ROR1: variants seen among roughly 807,000 people sequenced by gnomAD.
ROR1 encodes inactive tyrosine-protein kinase transmembrane receptor ROR1.
A neutral mutation model predicts 78.8 loss-of-function variants in ROR1; 19 were observed. The ratio of observed to expected loss-of-function variants is 0.24; its 90% confidence interval spans 0.17 to 0.35. The LOEUF is 0.35. Among genes scored for constraint, ROR1 ranks in the 10% least tolerant of loss-of-function variants. The probability of loss-of-function intolerance (pLI) is 1.00; values close to 1 mark genes in which losing one functional copy is unlikely to be tolerated. For missense variants in ROR1, 917 were observed against 1,177.8 expected (o/e 0.78, Z 3.24); for synonymous variants, 386 against 433.6 (o/e 0.89, Z 1.36).
chr1:64,114,503 G>T (rs894147742), intron 4 of ROR1, among the ~76,000 whole-genome samples: 5 of 152,130 alleles, frequency 3.3e-5, no homozygotes, highest in African/African-American at 1.2e-4. Flanking sequence ...AGTACTGAAA[G>T]AACCCCGGCT....
chr1:64,002,322 C>T (rs543818773), intron 1 of ROR1, among the ~76,000 whole-genome samples: 23 of 151,916 alleles, frequency 1.5e-4, no homozygotes, highest in African/African-American at 5.3e-4. Context: ...TCAGTAGAGA[C>T]GGGGTTTCAC....
intron 4 of ROR1, among the ~76,000 whole-genome samples, chr1:64,081,187 T>C (rs1647098594): frequency 6.6e-6 from 1 of 152,198 alleles, no homozygotes; most frequent in African/African-American, 2.4e-5. Context: ...CCTTATGTTT[T>C]TCAGGCTGAG....
At chr1:64,125,595 A>G (rs906691977) in intron 4 of ROR1, among the ~76,000 whole-genome samples, 2 of 152,094 alleles carry the variant, frequency 1.3e-5, no homozygotes, top group African/African-American at 4.8e-5. Context: ...AAGCCTTTTC[A>G]TTTCTGGTTA....
intron 7 of ROR1, chr1:64,142,868 G>C: frequency 7.2e-7 from 1 of 1,387,836 alleles, no homozygotes; most frequent in Non-Finnish European, 9.3e-7. Flanking sequence ...TATACCTGCA[G>C]CCATTGCACT....
chr1:63,792,629 TG>T (rs1177897896), intron 1 of ROR1, among the ~76,000 whole-genome samples: 1 of 152,246 alleles, frequency 6.6e-6, no homozygotes, highest in Non-Finnish European at 1.5e-5. Context: ...AGGATTATTA[TG>T]TATATTAAGT....
At chr1:63,999,108 A>T (rs1646362974) in intron 1 of ROR1, among the ~76,000 whole-genome samples, 1 of 152,356 alleles carries the variant, frequency 6.6e-6, no homozygotes, top group East Asian at 1.9e-4. Context: ...CAGCAGCATG[A>T]AAACAGACTA....
chr1:63,959,438 G>A (rs1646010436), intron 1 of ROR1, among the ~76,000 whole-genome samples: 2 of 152,090 alleles, frequency 1.3e-5, no homozygotes, highest in Admixed American at 1.3e-4. Context: ...ACCGAGTGCT[G>A]ACATATGGGT....
chr1:64,006,713 T>C (rs751307351), intron 1 of ROR1, among the ~76,000 whole-genome samples: 4 of 152,174 alleles, frequency 2.6e-5, no homozygotes, highest in Non-Finnish European at 4.4e-5. Flanking sequence ...GCTCAGGACG[T>C]TGGAGGAAAC....
intron 4 of ROR1, among the ~76,000 whole-genome samples, chr1:64,130,228 A>G (rs1005961717): frequency 1.3e-5 from 2 of 152,112 alleles, no homozygotes; most frequent in Non-Finnish European, 2.9e-5. Context: ...TCTCAACCCT[A>G]TAGATTTAAG....
intron 2 of ROR1, among the ~76,000 whole-genome samples, chr1:64,023,349 G>A (rs1646580797): frequency 6.6e-6 from 1 of 152,046 alleles, no homozygotes. Flanking sequence ...GGGAAACCTT[G>A]AAAGACCACC....
At chr1:63,988,480 A>G (rs1292149336) in intron 1 of ROR1, among the ~76,000 whole-genome samples, 1 of 152,220 alleles carries the variant, frequency 6.6e-6, no homozygotes, top group Non-Finnish European at 1.5e-5. Context: ...GTGGTTAAAC[A>G]TATGTAACAT....
intron 1 of ROR1, among the ~76,000 whole-genome samples, chr1:63,948,343 T>C (rs1008701866): frequency 6.6e-6 from 1 of 152,122 alleles, no homozygotes; most frequent in African/African-American, 2.4e-5. Context: ...CAATTTTTTT[T>C]TTTTTTTTAC....
At chr1:64,019,475 C>T (rs1646547193) in intron 2 of ROR1, among the ~76,000 whole-genome samples, 1 of 152,040 alleles carries the variant, frequency 6.6e-6, no homozygotes, top group African/African-American at 2.4e-5. Context: ...TAAGCACAAG[C>T]CCCAGAACTC....
chr1:64,091,317 C>T (rs1041784646), intron 4 of ROR1, among the ~76,000 whole-genome samples: 1 of 152,176 alleles, frequency 6.6e-6, no homozygotes. Context: ...AAAACAATAA[C>T]ATGTTTCTTT....
intron 2 of ROR1, among the ~76,000 whole-genome samples, chr1:64,020,506 G>A (rs766235): frequency 1.3e-5 from 2 of 152,178 alleles, no homozygotes; most frequent in East Asian, 3.9e-4. Context: ...CACATACACA[G>A]AAATACTGAA....
At chr1:64,066,212 G>A (rs971621635) in intron 4 of ROR1, among the ~76,000 whole-genome samples, 8 of 151,984 alleles carry the variant, frequency 5.3e-5, no homozygotes, top group African/African-American at 1.7e-4. Flanking sequence ...TCTCAAGGCC[G>A]TTAAAATATA....
intron 4 of ROR1, among the ~76,000 whole-genome samples, chr1:64,100,454 C>T (rs1037460229): frequency 6.6e-6 from 1 of 152,132 alleles, no homozygotes; most frequent in Non-Finnish European, 1.5e-5. Context: ...CACCACTGCA[C>T]TCCAGCCTAG....
intron 8 of ROR1, among the ~76,000 whole-genome samples, chr1:64,176,448 T>A (rs1218084915): frequency 6.6e-6 from 1 of 152,050 alleles, no homozygotes. Context: ...TGCAATAACA[T>A]GGTAAGTACA....
intron 4 of ROR1, among the ~76,000 whole-genome samples, chr1:64,066,444 A>G (rs955745206): frequency 6.6e-6 from 1 of 151,856 alleles, no homozygotes; most frequent in East Asian, 1.9e-4. Context: ...CAGCCTCCCA[A>G]GTAGCTGGGA....
Sources: gnomAD v4.1 joint callset for allele counts (sites outside exome capture counted in the v4.1 genomes callset) on GRCh38, gnomAD v4.1.1 for gene constraint, MANE v1.5 for transcripts, NCBI Gene and HGNC (gene_info 2026-07-23, HGNC 2026-07-21) for gene names.